Variants in MAF observed in about 807,000 individuals in gnomAD.
The protein encoded by MAF is MAF bZIP transcription factor.
A neutral mutation model predicts 22.0 loss-of-function variants in MAF; 10 were observed. The observed-to-expected ratio is 0.45, with a 90% CI of 0.28 to 0.77. The LOEUF is 0.77. Among genes scored for constraint, MAF ranks in the 30% least tolerant of loss-of-function variants. The pLI is 0.12. For missense variants in MAF, 544 were observed against 548.4 expected (o/e 0.99, Z 0.08); for synonymous variants, 337 against 255.8 (o/e 1.32, Z -3.03).
At chr16:79,493,131 T>C in the MAF span, among the ~76,000 whole-genome samples, 1 of 21,972 alleles carries the variant, frequency 4.6e-5, no homozygotes, top group Non-Finnish European at 2.7e-4. Context: ...CTAATCTTTC[T>C]GTTTTTTTTT....
the MAF span, among the ~76,000 whole-genome samples, chr16:79,241,736 G>A: frequency 6.6e-6 from 1 of 151,898 alleles, no homozygotes; most frequent in Non-Finnish European, 1.5e-5. Flanking sequence ...CAAGACACAT[G>A]CTTATCAGAT....
chr16:79,322,617 C>A, the MAF span, among the ~76,000 whole-genome samples: 7 of 152,140 alleles, frequency 4.6e-5, no homozygotes, highest in South Asian at 6.2e-4. Context: ...AGGACACAGA[C>A]AAAGAATTCC....
the MAF span, among the ~76,000 whole-genome samples, chr16:79,525,034 C>T: frequency 2.2e-4 from 34 of 152,254 alleles, no homozygotes; most frequent in African/African-American, 7.7e-4. Context: ...ATTCTTAGTC[C>T]ACCAGCTCCC....
At chr16:79,234,669 A>G in the MAF span, among the ~76,000 whole-genome samples, 1 of 152,096 alleles carries the variant, frequency 6.6e-6, no homozygotes, top group Admixed American at 6.6e-5. Flanking sequence ...CCTTTGTCCT[A>G]GCAGAAAGCA....
the MAF span, among the ~76,000 whole-genome samples, chr16:79,408,827 G>A: frequency 6.6e-6 from 1 of 152,058 alleles, no homozygotes; most frequent in Non-Finnish European, 1.5e-5. Context: ...GCACCCAAAG[G>A]CTTCATTCCA....
chr16:79,250,667 C>A, the MAF span, among the ~76,000 whole-genome samples: 8 of 152,284 alleles, frequency 5.3e-5, no homozygotes, highest in East Asian at 1.5e-3. Context: ...CTCCTGAACA[C>A]TTCCTGTCTA....
the MAF span, among the ~76,000 whole-genome samples, chr16:79,210,623 A>C: frequency 6.6e-6 from 1 of 152,186 alleles, no homozygotes; most frequent in East Asian, 1.9e-4. Context: ...GAAACACATA[A>C]ATAATCATAA....
At chr16:79,207,201 T>G in the MAF span, among the ~76,000 whole-genome samples, 1 of 152,374 alleles carries the variant, frequency 6.6e-6, no homozygotes, top group East Asian at 1.9e-4. Context: ...TGATAAATGA[T>G]TCTGTTCCTA....
At chr16:79,205,185 G>A in the MAF span, 3 of 152,256 alleles carry the variant, frequency 2.0e-5, no homozygotes, top group African/African-American at 7.2e-5. Context: ...TTTCTCTCAA[G>A]GTGTCCCTTG....
the MAF span, among the ~76,000 whole-genome samples, chr16:79,316,390 C>T: frequency 6.6e-6 from 1 of 152,196 alleles, no homozygotes; most frequent in African/African-American, 2.4e-5. Context: ...CTGTGGTCTG[C>T]AGGACACTGG....
At chr16:79,516,686 C>A in the MAF span, among the ~76,000 whole-genome samples, 1 of 152,276 alleles carries the variant, frequency 6.6e-6, no homozygotes, top group East Asian at 1.9e-4. Context: ...TTTATTATTA[C>A]CATTTGGTAA....
chr16:79,251,929 C>G, the MAF span, among the ~76,000 whole-genome samples: 1 of 152,186 alleles, frequency 6.6e-6, no homozygotes, highest in Non-Finnish European at 1.5e-5. Context: ...CAGTGGAACC[C>G]TTTCTTCAAA....
chr16:79,455,006 G>A, the MAF span, among the ~76,000 whole-genome samples: 781 of 151,826 alleles, frequency 5.1e-3, 4 homozygotes, highest in Middle Eastern at 0.024. Flanking sequence ...TGAGGCAGGA[G>A]AATCACTTGG....
chr16:79,342,686 A>G, the MAF span, among the ~76,000 whole-genome samples: 5 of 152,184 alleles, frequency 3.3e-5, no homozygotes, highest in Non-Finnish European at 7.3e-5. Context: ...ATCTGTTGAA[A>G]GCTAACAATG....
chr16:79,493,989 C>A, the MAF span, among the ~76,000 whole-genome samples: 1 of 151,700 alleles, frequency 6.6e-6, no homozygotes, highest in South Asian at 2.1e-4. Flanking sequence ...AAAAAACCCA[C>A]GATTTATGAT....
At chr16:79,231,401 G>A in the MAF span, among the ~76,000 whole-genome samples, 1 of 152,044 alleles carries the variant, frequency 6.6e-6, no homozygotes, top group Non-Finnish European at 1.5e-5. Context: ...GGCCTATCAA[G>A]GATGTAGTCT....
At chr16:79,447,098 C>T in the MAF span, among the ~76,000 whole-genome samples, 16 of 152,002 alleles carry the variant, frequency 1.1e-4, no homozygotes, top group African/African-American at 3.9e-4. Flanking sequence ...TGGAGACATA[C>T]AAAGTGACAA....
chr16:79,249,282 G>A, the MAF span, among the ~76,000 whole-genome samples: 3 of 152,236 alleles, frequency 2.0e-5, no homozygotes, highest in Admixed American at 6.5e-5. Flanking sequence ...AGCCGGATGT[G>A]GTGGTGCATG....
At chr16:79,414,931 G>A in the MAF span, among the ~76,000 whole-genome samples, 2 of 152,162 alleles carry the variant, frequency 1.3e-5, no homozygotes, top group Non-Finnish European at 2.9e-5. Flanking sequence ...ATGTCATAGG[G>A]TGTCCCCAAT....
Sources: allele counts gnomAD v4.1 joint callset (sites outside exome capture counted in the v4.1 genomes callset), GRCh38; gene constraint gnomAD v4.1.1; transcripts MANE v1.5; gene names NCBI Gene and HGNC (gene_info 2026-07-23, HGNC 2026-07-21).